POLR2F: variants seen among roughly 807,000 people sequenced by gnomAD.
POLR2F encodes DNA-directed RNA polymerases I, II, and III subunit RPABC2.
A neutral mutation model predicts 22.7 loss-of-function variants in POLR2F; 12 were observed. That is an observed-to-expected ratio of 0.53 (90% confidence interval 0.34 to 0.86). The LOEUF is 0.86. POLR2F is among the 40% of genes least tolerant of loss of function. POLR2F has a pLI of 0.02. For missense variants in POLR2F, 126 were observed against 171.5 expected (o/e 0.73, Z 1.48); for synonymous variants, 57 against 66.0 (o/e 0.86, Z 0.66).
Position 37,959,472 on chromosome 22 carries a change from A to T in POLR2F, c.217A>T (p.Ile73Phe), listed in dbSNP as rs766102639. 1 of 1,613,730 alleles carries T rather than the reference A, an allele frequency of 6.2e-7. No homozygotes were observed. The highest frequency in any genetic ancestry group is 8.5e-7 in the Non-Finnish European group (1 of 1,179,938). ...CGTGCTGGGCACCCGAGCGCTCCAGATTGCGTGAGTGATTGCCCCTTCACT... is the reference window on the plus strand; with the variant it reads ...CGTGCTGGGCACCCGAGCGCTCCAGTTTGCGTGAGTGATTGCCCCTTCACT... The part of the protein sequence containing the change: ...ARVLGTRALQ[I>F]AMCAPVMVEL... Residue 73 changes from isoleucine to phenylalanine, a missense_variant, in exon 3 of 5, where the codon ATT (isoleucine) becomes TTT (phenylalanine). Transcript: ENST00000442738.
upstream of POLR2F, chr22:37,983,625 C>T (rs1202924491): frequency 6.2e-7 from 1 of 1,605,028 alleles, no homozygotes; most frequent in Non-Finnish European, 8.5e-7. The surrounding 1 kb of genome is among the most constrained non-coding windows in gnomAD (Gnocchi z 9.5). Context: ...TCCTTCTTGA[C>T]CTTGCCCAGC....
At chr22:38,003,804 T>A (rs973379291) in intron 1 of POLR2F, among the ~76,000 whole-genome samples, 1 of 152,004 alleles carries the variant, frequency 6.6e-6, no homozygotes, top group Non-Finnish European at 1.5e-5. Context: ...CTCGAACCCC[T>A]GACCTCAGGT....
At chr22:37,963,780 G>A (rs73415831) in intron 3 of POLR2F, among the ~76,000 whole-genome samples, 5,317 of 152,270 alleles carry the variant, frequency 0.035, 304 homozygotes, top group African/African-American at 0.12. Flanking sequence ...TACTGCATTA[G>A]CACTTGATAG....
chr22:37,986,158 C>A (rs753314655), upstream of POLR2F: 1 of 1,533,846 alleles, frequency 6.5e-7, no homozygotes, highest in Non-Finnish European at 8.7e-7. The surrounding 1 kb of genome is among the most constrained non-coding windows in gnomAD (Gnocchi z 4.7). Context: ...TAACAGCGCC[C>A]GCTCGGCCTC....
At position 37,976,256 on chromosome 22, in the gene POLR2F, T is replaced by TTA. The variant is rs147912179; in HGVS notation, c.293+9087_293+9088dup. Among the ~76,000 whole-genome samples, 1,017 of 152,254 alleles carry TTA rather than the reference T, an allele frequency of 6.7e-3. 12 individuals carry two copies. Among genetic ancestry groups the TTA allele is most frequent in the African/African-American group, 0.023 (957 of 41,556 alleles). On this transcript the variant is annotated intron_variant, in intron 4 of 4. Transcript: ENST00000405557. ...ACAAAAACAAAAAAAAGACAGAGTC[T>TTA]TACTACATTGCCCATGCTGGTCTCA...
At chr22:37,966,202 G>A (rs1314180125) in intron 3 of POLR2F, among the ~76,000 whole-genome samples, 2 of 152,204 alleles carry the variant, frequency 1.3e-5, no homozygotes, top group African/African-American at 4.8e-5. Context: ...TTAGGGAGAG[G>A]AAGAGCTTGT....
At chr22:38,035,752 G>A (rs1376383838) in intron 5 of POLR2F, among the ~76,000 whole-genome samples, 1 of 152,218 alleles carries the variant, frequency 6.6e-6, no homozygotes, top group Non-Finnish European at 1.5e-5. Flanking sequence ...AGGAGGGGAA[G>A]CCCTGGCGGG....
chr22:37,970,014 C>T (rs1354012092), downstream of POLR2F, among the ~76,000 whole-genome samples: 1 of 152,082 alleles, frequency 6.6e-6, no homozygotes, highest in Admixed American at 6.6e-5. Context: ...GAGATAATAG[C>T]TGGGCGTGGT....
At chr22:38,006,168 A>G (rs2084819452) in intron 1 of POLR2F, among the ~76,000 whole-genome samples, 1 of 152,186 alleles carries the variant, frequency 6.6e-6, no homozygotes, top group East Asian at 1.9e-4. Flanking sequence ...TGATGGTACC[A>G]CTACATTCGA....
rs570809349 is a variant in POLR2F, at chr22:38,015,917, G to A, written c.121-9952G>A. On this transcript the variant is annotated intron_variant, in intron 1 of 2. Transcript: ENST00000333418. The stretch of plus-strand genomic sequence containing the variant: ...AGGTCTCATAAGTGGCGGTGGGGGT[G>A]CATCTGAGTCTCGGCCTCTGCTGGT... Among the ~76,000 whole-genome samples, 4 of 152,210 alleles carry A rather than the reference G, an allele frequency of 2.6e-5. No homozygotes were observed. The East Asian group carries it at 7.7e-4, about 29-fold the overall frequency.
At chr22:37,993,722 G>A (rs1932760286) in intron 1 of POLR2F, among the ~76,000 whole-genome samples, 1 of 152,184 alleles carries the variant, frequency 6.6e-6, no homozygotes, top group South Asian at 2.1e-4. Context: ...GGGCACAGTG[G>A]CTCACGACTG....
At chr22:37,974,183 G>A, downstream of POLR2F, 2 of 1,604,502 alleles carry the variant, frequency 1.2e-6, no homozygotes, top group Non-Finnish European at 1.7e-6. This position sits in a 1 kb window ranked among gnomAD's most constrained non-coding sequence, Gnocchi z 5.4. Flanking sequence ...AGGGGTGGGT[G>A]GGCCATGGCT....
At chr22:37,967,436 C>G in intron 4 of POLR2F, 189 bp from the exon 5 acceptor site, 1 of 1,434,934 alleles carries the variant, frequency 7.0e-7, no homozygotes, top group East Asian at 2.5e-5. Flanking sequence ...TTCTGTCATT[C>G]TTCCCCCTCT....
chr22:37,982,647 C>G (rs1218197686), upstream of POLR2F, among the ~76,000 whole-genome samples: 3 of 152,020 alleles, frequency 2.0e-5, no homozygotes, highest in Non-Finnish European at 4.4e-5. Context: ...GGGGCCCTGG[C>G]AGGGAAGATG....
At chr22:38,021,751 C>T (rs1448733603) in intron 1 of POLR2F, among the ~76,000 whole-genome samples, 2 of 152,062 alleles carry the variant, frequency 1.3e-5, no homozygotes, top group East Asian at 1.9e-4. Context: ...GCCACTGCAC[C>T]TGGCCAACCT....
At chr22:37,965,892 C>G (rs1439096128) in intron 3 of POLR2F, among the ~76,000 whole-genome samples, 9 of 152,124 alleles carry the variant, frequency 5.9e-5, no homozygotes, top group African/African-American at 9.7e-5. Context: ...TGGTGTGAAC[C>G]TGAGCTGGAA....
At chr22:37,971,175 G>T, downstream of POLR2F, 5 of 465,108 alleles carry the variant, frequency 1.1e-5, no homozygotes, top group South Asian at 7.8e-5. Context: ...AGAAGCAGGG[G>T]CTGCAAACCA....
rs2084925464 is a variant in POLR2F, at chr22:38,017,511, C to A, written c.121-8358C>A. On this transcript the variant is annotated intron_variant, in intron 1 of 2. Coordinates refer to the POLR2F transcript ENST00000333418. The surrounding 1 kb of genome is among the most constrained non-coding windows in gnomAD (Gnocchi z 4.1). The stretch of plus-strand genomic sequence containing the variant: ...CCATCTCTGGGCCTGTGGGTGTCTC[C>A]CTCTTCAGGTAATGGGCTGTAGGGT... Among the ~76,000 whole-genome samples the A allele has an allele frequency of 6.6e-6, 1 of 152,126 alleles. No homozygotes were observed. The highest frequency in any genetic ancestry group is 1.9e-4 in the East Asian group (1 of 5,198).
intron 1 of POLR2F, chr22:38,025,635 G>T: frequency 6.4e-7 from 1 of 1,562,474 alleles, no homozygotes; most frequent in Non-Finnish European, 8.6e-7. Context: ...CTGGCCCACA[G>T]CCTAGGCTCT....
Sources: allele counts gnomAD v4.1 joint callset (sites outside exome capture counted in the v4.1 genomes callset), GRCh38; gene constraint gnomAD v4.1.1; non-coding constraint Gnocchi (gnomAD v3.1); transcripts MANE v1.5; gene names NCBI Gene and HGNC (gene_info 2026-07-23, HGNC 2026-07-21).